USH2A: variants seen among roughly 807,000 people sequenced by gnomAD.
The protein encoded by USH2A is Usher syndrome 2A (autosomal recessive, mild).
USH2A carries 443 observed loss-of-function variants against 538.9 expected under a neutral mutation model. That is an observed-to-expected ratio of 0.82 (90% CI 0.76 to 0.89). The LOEUF (loss-of-function observed/expected upper bound fraction) is 0.89. USH2A is among the 40% of genes least tolerant of loss of function. USH2A has a pLI of 0.00. For missense variants in USH2A, 6,633 were observed against 6,324.8 expected (o/e 1.05, Z -1.65); for synonymous variants, 2,413 against 2,273.5 (o/e 1.06, Z -1.75).
intron 29 of USH2A, among the ~76,000 whole-genome samples, chr1:216,072,079 A>G (rs949750977): frequency 3.3e-5 from 5 of 152,198 alleles, no homozygotes; most frequent in African/African-American, 1.2e-4. Context: ...ACCTTGATGG[A>G]AACACGTCTT....
At chr1:216,108,585 C>A (rs560894924) in intron 21 of USH2A, among the ~76,000 whole-genome samples, 1 of 152,004 alleles carries the variant, frequency 6.6e-6, no homozygotes, top group East Asian at 1.9e-4. Flanking sequence ...ACCCACATCT[C>A]CATGTATGTT....
rs2031516480 is a variant in USH2A at position 216,070,284 on chromosome 1, T to A, written c.5866A>T (p.Ser1956Cys). Residue 1956 changes from serine (S) to cysteine (C), a missense_variant, in exon 30 of 72, where the codon AGT becomes TGT. Transcript: ENST00000307340. ...RGRTTGAAPQ[S>C]VPTPSRVRSL... is the part of the protein sequence containing the mutation. ...CGGACTCTTGAGGGAGTTGGCACAC[T>A]TTGTGGAGCTGTGAAGGAATAAAAG... 1.2e-6 allele frequency: 2 copies of A among 1,613,938 alleles called. No homozygotes were observed. Among genetic ancestry groups the A allele is most frequent in the African/African-American group, 2.7e-5 (2 of 75,034 alleles).
In USH2A at chr1:215,674,439, T is replaced by C; in HGVS notation, c.13472A>G (p.Glu4491Gly). 1 of 1,614,168 alleles carries C rather than the reference T, an allele frequency of 6.2e-7. No homozygotes were observed. Among genetic ancestry groups the C allele is most frequent in the Non-Finnish European group, 8.5e-7 (1 of 1,180,028 alleles). The change falls in exon 63 of 72, where the codon GAA becomes GGA. Residue 4491 changes from glutamate to glycine, a missense_variant. By Grantham distance (98) the Glu-to-Gly change is moderately conservative. Transcript: ENST00000307340. Reference protein sequence around the residue: ...RDGTIVYTGLETRYRDFTLTP... With the variant: ...RDGTIVYTGLGTRYRDFTLTP... ...GAGAGTAAAATCACGATAGCGTGTT[T>C]CCAAGCCTGTATATACAATGGTTCC...
intron 21 of USH2A, among the ~76,000 whole-genome samples, chr1:216,146,808 C>A (rs1312389591): frequency 1.3e-5 from 2 of 152,018 alleles, no homozygotes; most frequent in African/African-American, 2.4e-5. Flanking sequence ...CTATGGGCAA[C>A]CTTCCACCCT....
At chr1:215,648,505 C>T (rs1367984667) in intron 66 of USH2A, 23 bp downstream of exon 66, 1 of 1,611,118 alleles carries the variant, frequency 6.2e-7, no homozygotes, top group African/African-American at 1.3e-5. Context: ...TTAGTTTCTT[C>T]ATCCTTCTGC....
At chr1:216,002,040 T>C (rs1201801825) in intron 32 of USH2A, among the ~76,000 whole-genome samples, 1 of 152,148 alleles carries the variant, frequency 6.6e-6, no homozygotes, top group Non-Finnish European at 1.5e-5. Context: ...AAGCTGATGG[T>C]GAAGCAGTGT....
chr1:215,685,246 C>G (rs1029626860), intron 61 of USH2A, among the ~76,000 whole-genome samples: 1 of 151,794 alleles, frequency 6.6e-6, no homozygotes, highest in Non-Finnish European at 1.5e-5. Flanking sequence ...ACGATTTTTC[C>G]TCTCCATTTA....
At chr1:215,873,127 G>GA (rs1198281369) in intron 43 of USH2A, among the ~76,000 whole-genome samples, 4 of 149,578 alleles carry the variant, frequency 2.7e-5, no homozygotes, top group African/African-American at 4.9e-5. Context: ...GTAAGGCATT[G>GA]AAAAAAAAAT....
intron 15 of USH2A, among the ~76,000 whole-genome samples, chr1:216,214,206 G>C (rs370332003): frequency 6.6e-5 from 10 of 152,094 alleles, no homozygotes; most frequent in African/African-American, 2.2e-4. Context: ...GATATAAAGA[G>C]ATATAAAGAT....
rs1656393882 is a variant in USH2A, at chr1:215,633,985, G to A, written c.15297+474C>T. On this transcript the variant is annotated intron_variant, in intron 70 of 71. Transcript: ENST00000307340. ...CCAGAGGACAGACCGAGCACCACTA[G>A]CACTGTAGCCCCTTCCTCCCCATCT... is the stretch of plus-strand genomic sequence containing the variant. Among the ~76,000 whole-genome samples, 7 of 152,102 alleles carry A rather than the reference G, an allele frequency of 4.6e-5. No homozygotes were observed. In the South Asian group the frequency reaches 1.0e-3, roughly 23 times the overall value.
At chr1:215,704,435 A>G (rs146396484) in intron 61 of USH2A, among the ~76,000 whole-genome samples, 1 of 152,252 alleles carries the variant, frequency 6.6e-6, no homozygotes, top group East Asian at 1.9e-4. Context: ...ATCACTTACC[A>G]TCTCTCCTAG....
chr1:216,116,987 G>A (rs2102590742), intron 21 of USH2A, among the ~76,000 whole-genome samples: 1 of 152,214 alleles, frequency 6.6e-6, no homozygotes, highest in African/African-American at 2.4e-5. Context: ...GCTCCTGAGG[G>A]AAGCTGATTT....
At chr1:216,233,210 T>C (rs1166197127) in intron 13 of USH2A, among the ~76,000 whole-genome samples, 2 of 151,998 alleles carry the variant, frequency 1.3e-5, no homozygotes, top group Admixed American at 6.6e-5. Flanking sequence ...TCATGGCTCA[T>C]CCCCCCGCTC....
chr1:216,056,974 T>C (rs977118246), intron 30 of USH2A, among the ~76,000 whole-genome samples: 4 of 152,252 alleles, frequency 2.6e-5, no homozygotes, highest in Non-Finnish European at 4.4e-5. Flanking sequence ...CTTGAAGTAT[T>C]TGTATTGAAT....
At chr1:215,894,203 CTCTT>C (rs1044293073) in intron 40 of USH2A, among the ~76,000 whole-genome samples, 2 of 152,096 alleles carry the variant, frequency 1.3e-5, no homozygotes, top group Non-Finnish European at 2.9e-5. Context: ...CTTGTAGTTC[CTCTT>C]TCTTCATTAA....
intron 35 of USH2A, among the ~76,000 whole-genome samples, chr1:215,992,278 G>T (rs1266386169): frequency 6.6e-6 from 1 of 152,130 alleles, no homozygotes; most frequent in Non-Finnish European, 1.5e-5. Context: ...TGTCAAGTAA[G>T]CTTCCATCAG....
rs1392865689 is a variant in USH2A at position 216,393,781 on chromosome 1, C to A, written c.651+24733G>T. 5.3e-5 allele frequency among the ~76,000 whole-genome samples: 8 copies of A among 152,044 alleles called. No individual in the cohort carries two copies. In the East Asian group the frequency reaches 9.6e-4, roughly 18 times the overall value. ...ATGCTGAAAAGTGAATCAAAGCAAA[C>A]AGATTATGGAGGGGAGCCAGACCTG... On this transcript the variant is annotated intron_variant, in intron 3 of 71. Coordinates refer to ENST00000307340, the MANE Select transcript of USH2A (RefSeq NM_206933.4).
chr1:216,088,569 T>G (rs2032205456), intron 23 of USH2A, among the ~76,000 whole-genome samples: 1 of 152,116 alleles, frequency 6.6e-6, no homozygotes, highest in Non-Finnish European at 1.5e-5. Flanking sequence ...AAACTAAACT[T>G]AAATGTGAAA....
At chr1:216,253,940 G>C (rs779738148) in intron 11 of USH2A, among the ~76,000 whole-genome samples, 21 of 151,834 alleles carry the variant, frequency 1.4e-4, no homozygotes, top group Non-Finnish European at 2.1e-4. Flanking sequence ...CTTCCTCCTT[G>C]CTCTGCTATA....
Sources: gnomAD v4.1 joint callset for allele counts (sites outside exome capture counted in the v4.1 genomes callset) on GRCh38, gnomAD v4.1.1 for gene constraint, MANE v1.5 for transcripts, NCBI Gene and HGNC (gene_info 2026-07-23, HGNC 2026-07-21) for gene names.